Variants in GLRX3 observed in about 807,000 individuals in gnomAD.
GLRX3 encodes glutaredoxin-3.
Under a neutral mutation model 49.5 loss-of-function variants are expected in GLRX3, and 22 were observed. The ratio of observed to expected loss-of-function variants is 0.44; its 90% CI spans 0.32 to 0.63. The LOEUF (loss-of-function observed/expected upper bound fraction) is 0.63, where lower values mean the gene tolerates loss of function less well. GLRX3 is among the 30% of genes least tolerant of loss of function. The probability of loss-of-function intolerance (pLI) is 0.05; values close to 1 mark genes in which losing one functional copy is unlikely to be tolerated. For missense variants in GLRX3, 385 were observed against 396.3 expected, an observed-to-expected ratio of 0.97 and a Z score of 0.24; for synonymous variants, 133 against 140.0, an observed-to-expected ratio of 0.95 and a Z score of 0.35.
intron 1 of GLRX3, among the ~76,000 whole-genome samples, chr10:130,143,736 C>T (rs895513840): frequency 9.9e-5 from 15 of 151,766 alleles, no homozygotes; most frequent in African/African-American, 3.4e-4. Context: ...CTTGCTCTGC[C>T]ATCCAGGCTG....
chr10:130,145,341 G>C, intron 2 of GLRX3, 22 bp downstream of exon 2: 2 of 1,063,510 alleles, frequency 1.9e-6, no homozygotes, highest in Non-Finnish European at 2.9e-6. Context: ...TCAATGTCAT[G>C]TCTTTTGTGA....
In GLRX3 at chr10:130,174,908, T is replaced by G; in HGVS notation, c.864+2T>G. On this transcript the variant is annotated splice_donor_variant, in intron 9 of 10. Transcript: ENST00000331244. LOFTEE classifies it high-confidence loss of function. ...TTCGATATATTGGAGGATGAAGAAG[T>G]AAGTTCTGTGTTTGATGTTTCACCC... 6.3e-7 allele frequency: 1 copy of G among 1,597,992 alleles called. No homozygotes were observed. Among genetic ancestry groups the G allele is most frequent in the Non-Finnish European group, 8.6e-7 (1 of 1,165,232 alleles).
At chr10:130,139,870 G>T (rs1211814892) in intron 1 of GLRX3, among the ~76,000 whole-genome samples, 6 of 151,998 alleles carry the variant, frequency 3.9e-5, no homozygotes, top group Non-Finnish European at 8.8e-5. Context: ...TCCAAGCTGC[G>T]GTGAGCTATG....
chr10:130,146,542 G>C (rs2134878046), intron 2 of GLRX3, among the ~76,000 whole-genome samples: 1 of 152,248 alleles, frequency 6.6e-6, no homozygotes, highest in South Asian at 2.1e-4. Context: ...AACTCAATTG[G>C]TTTAGCACGT....
chr10:130,142,671 T>C (rs935201165), intron 1 of GLRX3, among the ~76,000 whole-genome samples: 2 of 152,246 alleles, frequency 1.3e-5, no homozygotes, highest in Non-Finnish European at 2.9e-5. Context: ...CAGTCTGACC[T>C]GTGCTTCTGC....
intron 2 of GLRX3, chr10:130,159,747 C>T: frequency 4.1e-6 from 5 of 1,211,148 alleles, no homozygotes; most frequent in South Asian, 2.7e-5. Context: ...TATTCACAGC[C>T]TCCAGGCATC....
chr10:130,172,460 T>A (rs533946207), intron 8 of GLRX3, among the ~76,000 whole-genome samples: 3 of 152,236 alleles, frequency 2.0e-5, no homozygotes, highest in Non-Finnish European at 2.9e-5. Flanking sequence ...TTTGGAGATA[T>A]ACAGCACATG....
intron 4 of GLRX3, among the ~76,000 whole-genome samples, chr10:130,162,127 A>T (rs1304508061): frequency 6.6e-6 from 1 of 152,134 alleles, no homozygotes. Flanking sequence ...ACAGGTGTCC[A>T]CCACCATGCC....
At chr10:130,179,835 C>T (rs1232317102), downstream of GLRX3, among the ~76,000 whole-genome samples, 2 of 152,162 alleles carry the variant, frequency 1.3e-5, no homozygotes, top group East Asian at 3.9e-4. Flanking sequence ...CTCTTTACAG[C>T]TTAGGAAAAA....
At chr10:130,174,129 GTA>G (rs1360551103) in intron 8 of GLRX3, among the ~76,000 whole-genome samples, 4 of 152,222 alleles carry the variant, frequency 2.6e-5, no homozygotes, top group Admixed American at 2.6e-4. Flanking sequence ...TCATTGTATG[GTA>G]TAAAGCCACA....
intron 2 of GLRX3, among the ~76,000 whole-genome samples, chr10:130,150,009 C>G (rs975759953): frequency 1.3e-5 from 2 of 149,580 alleles, no homozygotes; most frequent in African/African-American, 4.9e-5. Context: ...GAGGCCGAGG[C>G]GGGTGGATCA....
rs181500506 is a variant in GLRX3 at position 130,176,236 on chromosome 10, C to T, written c.957+1147C>T. 9.9e-4 allele frequency among the ~76,000 whole-genome samples: 151 copies of T among 151,878 alleles called. No individual in the cohort carries two copies. In the East Asian group the frequency reaches 0.018, roughly 18 times the overall value. Reference sequence around the variant, plus strand: ...CCAGGTTCATGTGATTCTCCTGCCTCAGCCTCCTGAGTAGCTGGGATTACA... The same window carrying T: ...CCAGGTTCATGTGATTCTCCTGCCTTAGCCTCCTGAGTAGCTGGGATTACA... On this transcript the variant is annotated intron_variant, in intron 10 of 10. Coordinates refer to ENST00000331244, the MANE Select transcript of GLRX3 (RefSeq NM_006541.5).
intron 1 of GLRX3, among the ~76,000 whole-genome samples, chr10:130,143,832 G>A (rs1032568940): frequency 4.2e-4 from 64 of 151,928 alleles, no homozygotes; most frequent in African/African-American, 1.5e-3. Flanking sequence ...TGAGTAGCTG[G>A]GATTACAGGC....
chr10:130,166,790 TAAG>T, intron 5 of GLRX3, 111 bp downstream of exon 5: 3 of 938,646 alleles, frequency 3.2e-6, no homozygotes, highest in East Asian at 2.5e-5. Flanking sequence ...TATTTACTAA[TAAG>T]AACCTGCAAT....
intron 1 of GLRX3, among the ~76,000 whole-genome samples, chr10:130,139,998 A>G (rs997490922): frequency 1.3e-5 from 2 of 152,258 alleles, no homozygotes; most frequent in Non-Finnish European, 2.9e-5. Context: ...TTTCCAAATC[A>G]TCGCTTCTCC....
At position 130,159,962 on chromosome 10, in the gene GLRX3, TAATAATCAAGCTTGA is replaced by T; in HGVS notation, c.202-31_202-17del. 2.1e-6 allele frequency: 3 copies of T among 1,409,628 alleles called. No individual in the cohort carries two copies. Among genetic ancestry groups the T allele is most frequent in the Non-Finnish European group, 2.0e-6 (2 of 994,170 alleles). 87.3% of individuals were successfully genotyped at this position (1,409,628 alleles called of 1,614,324 possible). A position where few individuals can be genotyped will look rare whatever the true frequency, so the allele number is the denominator to read the frequency against. On this transcript the variant is annotated intron_variant, in intron 2 of 10. Coordinates refer to ENST00000331244, the MANE Select transcript of GLRX3 (RefSeq NM_006541.5). Reference sequence around the variant, plus strand: ...ATTAAAGTAGTGAAAAAGGACCTTGTAATAATCAAGCTTGAATTCTTTTATTTTAAAGTTGGAAGC... The same window carrying T: ...ATTAAAGTAGTGAAAAAGGACCTTGTATTCTTTTATTTTAAAGTTGGAAGC...
intron 2 of GLRX3, among the ~76,000 whole-genome samples, chr10:130,151,927 G>A (rs757899385): frequency 5.9e-5 from 9 of 152,062 alleles, no homozygotes; most frequent in Admixed American, 4.6e-4. Context: ...CACACCGATG[G>A]GTCTTGACTC....
At chr10:130,171,870 G>T (rs931525016) in intron 8 of GLRX3, among the ~76,000 whole-genome samples, 12 of 152,212 alleles carry the variant, frequency 7.9e-5, no homozygotes, top group Non-Finnish European at 1.3e-4. Context: ...AGAGACTGAG[G>T]TGGGAGGATC....
rs552485705 is a variant in GLRX3 at position 130,149,411 on chromosome 10, C to G, written c.201+4092C>G. ...GACCCGAGATCGCGCTACTGCACTC[C>G]GGCCTGCGTGACAGAGCAAGACTCC... On this transcript the variant is annotated intron_variant, in intron 2 of 10. Transcript: ENST00000331244. Among the ~76,000 whole-genome samples the G allele has an allele frequency of 1.7e-4, 25 of 150,842 alleles. 1 individual carries two copies. In the South Asian group the frequency reaches 5.2e-3, roughly 32 times the overall value.
Sources: allele counts gnomAD v4.1 joint callset (sites outside exome capture counted in the v4.1 genomes callset), GRCh38; gene constraint gnomAD v4.1.1; transcripts MANE v1.5; gene names NCBI Gene and HGNC (gene_info 2026-07-23, HGNC 2026-07-21).